SVEP1: variants seen among roughly 807,000 people sequenced by gnomAD.
SVEP1 encodes the protein sushi, von Willebrand factor type A, EGF and pentraxin domain-containing protein 1.
In SVEP1, 164 loss-of-function variants were observed where a neutral mutation model predicts 367.3. The ratio of observed to expected loss-of-function variants is 0.45; its 90% CI spans 0.39 to 0.51. The LOEUF is 0.51. SVEP1 is among the 20% of genes least tolerant of loss of function. SVEP1 has a pLI of 0.00. For synonymous variants in SVEP1, 1,666 were observed against 1,611.6 expected (o/e 1.03, Z -0.81); for missense variants, 4,117 against 4,425.3 (o/e 0.93, Z 1.98).
chr9:110,579,641 TG>T lies in SVEP1; in HGVS notation c.-99del, dbSNP rs1830670612. 5 of 1,374,734 alleles carry T rather than the reference TG, an allele frequency of 3.6e-6. No homozygotes were observed. The East Asian group carries it at 1.4e-4, about 39-fold the overall frequency. The allele number at this position is 1,374,734 out of a possible 1,614,324, so 85.2% of individuals were successfully genotyped here. On this transcript the variant is annotated 5_prime_UTR_variant, in exon 1 of 48. Coordinates refer to ENST00000374469, the MANE Select transcript of SVEP1 (RefSeq NM_153366.4). The surrounding 1 kb of genome is among the most constrained non-coding windows in gnomAD (Gnocchi z 5.3). ...ACTCGCAGAGGGGCGTGCGCGGAGCTGGGCGCGGGGCAGCGGCCAAGAGCCT... is the reference window on the plus strand; with the variant it reads ...ACTCGCAGAGGGGCGTGCGCGGAGCTGGCGCGGGGCAGCGGCCAAGAGCCT...
chr9:110,539,281 A>G (rs1050709910), intron 3 of SVEP1, among the ~76,000 whole-genome samples: 2 of 152,130 alleles, frequency 1.3e-5, no homozygotes, highest in African/African-American at 4.8e-5. Flanking sequence ...ATGAATAAAG[A>G]TCCAAGGAAT....
chr9:110,392,675 CTT>C (rs1827683449), intron 40 of SVEP1, among the ~76,000 whole-genome samples: 1 of 152,132 alleles, frequency 6.6e-6, no homozygotes, highest in Non-Finnish European at 1.5e-5. Flanking sequence ...AATTCTTCCT[CTT>C]GAGTTGTCTG....
intron 17 of SVEP1, among the ~76,000 whole-genome samples, chr9:110,466,525 G>A (rs557490445): frequency 4.6e-5 from 7 of 151,888 alleles, no homozygotes; most frequent in Non-Finnish European, 5.9e-5. Context: ...TTGGGAGGCC[G>A]AGGCGGGCGG....
intron 27 of SVEP1, among the ~76,000 whole-genome samples, chr9:110,439,864 G>A (rs1046022587): frequency 2.0e-5 from 3 of 152,134 alleles, no homozygotes; most frequent in African/African-American, 4.8e-5. Flanking sequence ...TCCTTAGGTG[G>A]TTACTGTAAG....
At chr9:110,410,991 T>C in intron 37 of SVEP1, 72 bp downstream of exon 37, 1 of 1,385,180 alleles carries the variant, frequency 7.2e-7, no homozygotes, top group Non-Finnish European at 9.6e-7. Flanking sequence ...GACTCAATTA[T>C]TTGTTTTGTT....
At chr9:110,572,300 G>C (rs777602568) in intron 1 of SVEP1, among the ~76,000 whole-genome samples, 1 of 152,170 alleles carries the variant, frequency 6.6e-6, no homozygotes, top group African/African-American at 2.4e-5. Flanking sequence ...AGCTGTGAGG[G>C]AGGACAAAGC....
At position 110,569,092 on chromosome 9, in the gene SVEP1, C is replaced by CA. The variant is rs1195724515; in HGVS notation, c.531+9920dup. Among the ~76,000 whole-genome samples, 11 of 149,384 alleles carry CA rather than the reference C, an allele frequency of 7.4e-5. No individual in the cohort carries two copies. In the South Asian group the frequency reaches 8.7e-4, roughly 12 times the overall value. ...TGGGAGACAGAGTGAGACCCTGTCT[C>CA]AAAAAAATAAATAAATAAAAATTAA... On this transcript the variant is annotated intron_variant, in intron 1 of 47. Coordinates refer to ENST00000374469, the MANE Select transcript of SVEP1 (RefSeq NM_153366.4).
chr9:110,511,026 T>C lies in SVEP1; in HGVS notation c.1303+1900A>G, dbSNP rs796949283. Among the ~76,000 whole-genome samples, 14 of 152,314 alleles carry C rather than the reference T, an allele frequency of 9.2e-5. 1 individual carries two copies. Among genetic ancestry groups the C allele is most frequent in the African/African-American group, 3.1e-4 (13 of 41,556 alleles). ...GGCAACACAGTCTTATTTTCTAACA[T>C]TGAGAATGGCCAACAAAGGGGCCTA... On this transcript the variant is annotated intron_variant, in intron 5 of 47. Transcript: ENST00000374469.
In SVEP1 at chr9:110,389,569, A is replaced by AGAC; in HGVS notation, c.9838_9840dup (p.Val3280dup). On this transcript the variant is annotated inframe_insertion, in exon 41 of 48. Coordinates refer to ENST00000374469, the MANE Select transcript of SVEP1 (RefSeq NM_153366.4). ...CCACTCCACTGTCTGTTCTCCTGGCAGACACGTTCCCTGTTCCCCTGTGAA... is the reference window on the plus strand; with the variant it reads ...CCACTCCACTGTCTGTTCTCCTGGCAGACGACACGTTCCCTGTTCCCCTGTGAA... The AGAC allele has an allele frequency of 5.6e-6, 9 of 1,613,800 alleles. No homozygotes were observed. The highest frequency in any genetic ancestry group is 7.6e-6 in the Non-Finnish European group (9 of 1,179,786).
In SVEP1 at chr9:110,482,370, C is replaced by T. The variant is rs980317049; in HGVS notation, c.2161G>A (p.Val721Ile). The T allele has an allele frequency of 6.2e-7, 1 of 1,611,890 alleles. No individual in the cohort carries two copies. The highest frequency in any genetic ancestry group is 1.1e-5 in the South Asian group (1 of 90,732). Reference sequence around the variant, plus strand: ...CTTATGAAGACAATACCTTTTATGACAATATGGATATCACATGTCCTGTTA... The same window carrying T: ...CTTATGAAGACAATACCTTTTATGATAATATGGATATCACATGTCCTGTTA... ...GNNRTCDIHI[V>I]IKGSPCEIPF... The change falls in exon 11 of 48, where the codon GTC (valine) becomes ATC (isoleucine). Residue 721 changes from valine to isoleucine, a missense_variant. Physicochemically the swap from Val to Ile is conservative, Grantham distance 29. Around this residue, in one of 4 missense-constraint regions of SVEP1, gnomAD observed 2,174 missense variants for 2,494.3 expected, o/e 0.87. Transcript: ENST00000374469.
At chr9:110,539,265 A>T (rs997824579) in intron 3 of SVEP1, among the ~76,000 whole-genome samples, 1 of 152,134 alleles carries the variant, frequency 6.6e-6, no homozygotes, top group African/African-American at 2.4e-5. Flanking sequence ...GGGAGCCAGA[A>T]AATGCATGAA....
intron 3 of SVEP1, among the ~76,000 whole-genome samples, chr9:110,538,675 C>T (rs4599884): frequency 0.69 from 104,567 of 152,016 alleles, 36,829 homozygotes; most frequent in Middle Eastern, 0.78. Flanking sequence ...CAGCCTTGGC[C>T]TCTATCCAGC....
At chr9:110,446,089 C>T (rs1828593443) in intron 25 of SVEP1, 51 bp from the exon 26 acceptor site, 6 of 1,512,946 alleles carry the variant, frequency 4.0e-6, no homozygotes, top group South Asian at 1.2e-5. Context: ...AAGACATTTC[C>T]AATTGTCAGA....
chr9:110,493,430 G>C (rs1371574996), intron 8 of SVEP1, among the ~76,000 whole-genome samples: 1 of 151,974 alleles, frequency 6.6e-6, no homozygotes, highest in Non-Finnish European at 1.5e-5. Context: ...TAAAAATGTG[G>C]CAGCTTAAAA....
At chr9:110,423,168 T>TAAAAAAAAAAAAAAAAAAAAAAAAAG in intron 36 of SVEP1, among the ~76,000 whole-genome samples, 10 of 103,634 alleles carry the variant, frequency 9.6e-5, no homozygotes, top group East Asian at 2.5e-4. Flanking sequence ...AAAAATAAAG[T>TAAAAAAAAAAAAAAAAAAAAAAAAAG]AAAAAAAAAA....
At chr9:110,471,326 A>G in intron 16 of SVEP1, 38 bp downstream of exon 16, 1 of 1,552,128 alleles carries the variant, frequency 6.4e-7, no homozygotes, top group Non-Finnish European at 8.9e-7. Context: ...TTGACCCAGT[A>G]TGCACCAAAT....
At chr9:110,505,247 G>A (rs1227376007) in intron 5 of SVEP1, among the ~76,000 whole-genome samples, 15 of 152,138 alleles carry the variant, frequency 9.9e-5, no homozygotes, top group Non-Finnish European at 2.2e-4. Flanking sequence ...CCTGGTAAGA[G>A]TCTCCAACTG....
At chr9:110,378,909 TA>T (rs35912753) in intron 44 of SVEP1, among the ~76,000 whole-genome samples, 42,241 of 145,272 alleles carry the variant, frequency 0.29, 6,411 homozygotes, top group Middle Eastern at 0.5. Flanking sequence ...CTTAAAGTAT[TA>T]AAAAAAAAAA....
chr9:110,479,666 G>C lies in SVEP1; in HGVS notation c.2456C>G (p.Ser819Cys). The C allele has an allele frequency of 6.2e-7, 1 of 1,610,186 alleles. No homozygotes were observed. Among genetic ancestry groups the C allele is most frequent in the Non-Finnish European group, 8.5e-7 (1 of 1,178,552 alleles). ...CDDTDLMKKF[S>C]EAFETTLGKM... ...TCCCAGGGTCGTCTCAAATGCTTCA[G>C]AAAACTTCTTCATCAGATCTGTGTC... The change falls in exon 13 of 48, where the codon TCT becomes TGT. Residue 819 changes from serine to cysteine, a missense_variant. Ser to Cys is a moderately radical substitution (Grantham distance 112, BLOSUM62 -1). Transcript: ENST00000374469.
Sources: allele counts gnomAD v4.1 joint callset (sites outside exome capture counted in the v4.1 genomes callset), GRCh38; gene constraint gnomAD v4.1.1; regional missense constraint gnomAD v4.1.1; non-coding constraint Gnocchi (gnomAD v3.1); transcripts MANE v1.5; gene names NCBI Gene and HGNC (gene_info 2026-07-23, HGNC 2026-07-21).